The following CEMIP variants were observed in gnomAD, a reference collection of about 807,000 sequenced individuals.
CEMIP encodes cell migration inducing hyaluronidase 1, also known as cell migration-inducing and hyaluronan-binding protein.
CEMIP carries 105 observed loss-of-function variants against 156.9 expected under a neutral mutation model. That is an observed-to-expected ratio of 0.67 (90% CI 0.57 to 0.79). The LOEUF is 0.79. Ranked by LOEUF, CEMIP falls within the 30% of genes least tolerant of loss-of-function variation. The probability of loss-of-function intolerance (pLI) is 0.00; values close to 1 mark genes in which losing one functional copy is unlikely to be tolerated. For synonymous variants in CEMIP, 676 were observed against 668.4 expected (o/e 1.01, Z -0.17); for missense variants, 1,457 against 1,769.4 (o/e 0.82, Z 3.17).
intron 1 of CEMIP, among the ~76,000 whole-genome samples, chr15:80,847,819 G>C (rs563682255): frequency 6.6e-6 from 1 of 152,344 alleles, no homozygotes; most frequent in South Asian, 2.1e-4. Flanking sequence ...TTGCTGGCCA[G>C]GTAGCAGATG....
intron 1 of CEMIP, among the ~76,000 whole-genome samples, chr15:80,816,321 A>C (rs1208007779): frequency 6.6e-6 from 1 of 152,178 alleles, no homozygotes; most frequent in African/African-American, 2.4e-5. Context: ...AGGGAGTGGA[A>C]AGCTCTGAAA....
At chr15:80,882,321 T>C (rs1567081766) in intron 6 of CEMIP, among the ~76,000 whole-genome samples, 2 of 152,264 alleles carry the variant, frequency 1.3e-5, no homozygotes, top group Non-Finnish European at 2.9e-5. Context: ...AGTTCTGTTA[T>C]TATCTACCTT....
intron 1 of CEMIP, among the ~76,000 whole-genome samples, chr15:80,837,519 G>T (rs762307205): frequency 2.6e-5 from 4 of 152,298 alleles, no homozygotes; most frequent in African/African-American, 9.6e-5. Flanking sequence ...ACCAAGGGTT[G>T]CCCAGAAACA....
chr15:80,884,101 C>T, intron 6 of CEMIP, 74 bp from the exon 7 acceptor site: 15 of 1,428,648 alleles, frequency 1.0e-5, no homozygotes, highest in Non-Finnish European at 1.4e-5. Flanking sequence ...TGTCGCAGCA[C>T]AGGCATGTGC....
At chr15:80,811,551 A>T (rs1237880035) in intron 1 of CEMIP, among the ~76,000 whole-genome samples, 1 of 152,130 alleles carries the variant, frequency 6.6e-6, no homozygotes, top group Admixed American at 6.5e-5. Context: ...TGTGAGCCTG[A>T]TTTATTTTAT....
chr15:80,866,733 C>T (rs1216589657), intron 1 of CEMIP, among the ~76,000 whole-genome samples: 1 of 150,094 alleles, frequency 6.7e-6, no homozygotes, highest in African/African-American at 2.4e-5. Flanking sequence ...TTGCAGTGAG[C>T]TGAGATCACA....
At chr15:80,792,958 A>G (rs1896119917) in intron 1 of CEMIP, among the ~76,000 whole-genome samples, 1 of 152,228 alleles carries the variant, frequency 6.6e-6, no homozygotes, top group African/African-American at 2.4e-5. Flanking sequence ...TACTACTTAC[A>G]GTCACTTTAT....
intron 5 of CEMIP, among the ~76,000 whole-genome samples, chr15:80,880,266 T>C (rs1898602975): frequency 6.6e-6 from 1 of 152,216 alleles, no homozygotes; most frequent in African/African-American, 2.4e-5. Context: ...CACAAGGATA[T>C]GCAGCGCATG....
At chr15:80,884,714 G>A (rs1245426029) in intron 7 of CEMIP, among the ~76,000 whole-genome samples, 1 of 152,206 alleles carries the variant, frequency 6.6e-6, no homozygotes, top group Non-Finnish European at 1.5e-5. Flanking sequence ...AAGAGGTCAT[G>A]TCATGGCTTG....
chr15:80,819,991 A>G (rs947129766), intron 1 of CEMIP, among the ~76,000 whole-genome samples: 1 of 152,222 alleles, frequency 6.6e-6, no homozygotes. Context: ...GACATCTCAA[A>G]GTGGCCAGCA....
intron 1 of CEMIP, among the ~76,000 whole-genome samples, chr15:80,806,143 G>A (rs1896507480): frequency 6.6e-6 from 1 of 152,198 alleles, no homozygotes; most frequent in Non-Finnish European, 1.5e-5. Flanking sequence ...ATTTTATTGG[G>A]GAGGCTGGCA....
intron 1 of CEMIP, chr15:80,841,865 AC>A (rs1897428240): frequency 4.1e-6 from 1 of 241,708 alleles, no homozygotes; most frequent in Admixed American, 5.5e-5. Flanking sequence ...TGGCCAAAAG[AC>A]CTTGAGACAG....
chr15:80,878,262 C>A (rs1243709522), intron 3 of CEMIP, among the ~76,000 whole-genome samples: 3 of 152,232 alleles, frequency 2.0e-5, no homozygotes, highest in Non-Finnish European at 4.4e-5. Flanking sequence ...CTATCTTTCT[C>A]AGGTTTCCAG....
chr15:80,796,909 A>G (rs1447456459), intron 1 of CEMIP, among the ~76,000 whole-genome samples: 1 of 152,182 alleles, frequency 6.6e-6, no homozygotes, highest in Admixed American at 6.5e-5. Context: ...CTTGAACCTT[A>G]CAAAGTATAG....
chr15:80,855,066 A>C (rs1897817195), intron 1 of CEMIP, among the ~76,000 whole-genome samples: 1 of 152,220 alleles, frequency 6.6e-6, no homozygotes, highest in Non-Finnish European at 1.5e-5. Context: ...GTGTGCCTGT[A>C]GTCCTAGCCA....
At chr15:80,797,818 A>G (rs1203292019) in intron 1 of CEMIP, among the ~76,000 whole-genome samples, 5 of 152,202 alleles carry the variant, frequency 3.3e-5, no homozygotes, top group African/African-American at 4.8e-5. Context: ...CTTTATTACC[A>G]CAGCAGAGTA....
chr15:80,909,756 C>A, intron 14 of CEMIP: 1 of 399,142 alleles, frequency 2.5e-6, no homozygotes, highest in South Asian at 1.8e-5. Flanking sequence ...GCAAGTGCTG[C>A]TGGGAGAAAT....
chr15:80,810,429 G>A (rs536403026), intron 1 of CEMIP, among the ~76,000 whole-genome samples: 19 of 152,210 alleles, frequency 1.2e-4, no homozygotes, highest in African/African-American at 2.2e-4. Flanking sequence ...GTGCAGTGGC[G>A]CAATCTCAGC....
intron 28 of CEMIP, among the ~76,000 whole-genome samples, chr15:80,945,536 C>A (rs1013734866): frequency 2.0e-5 from 3 of 152,228 alleles, no homozygotes; most frequent in Non-Finnish European, 4.4e-5. Flanking sequence ...ACCCTACCAA[C>A]CCTTTGGGCC....
Sources: allele counts gnomAD v4.1 joint callset (sites outside exome capture counted in the v4.1 genomes callset), GRCh38; gene constraint gnomAD v4.1.1; transcripts MANE v1.5; gene names NCBI Gene and HGNC (gene_info 2026-07-23, HGNC 2026-07-21).